EZH2: variants seen among roughly 807,000 people sequenced by gnomAD.
The protein encoded by EZH2 is enhancer of zeste 2 polycomb repressive complex 2 subunit, also known as histone-lysine N-methyltransferase EZH2.
A neutral mutation model predicts 98.4 loss-of-function variants in EZH2; 18 were observed. That is an observed-to-expected ratio of 0.18 (90% CI 0.13 to 0.27). The LOEUF is 0.27. Among genes scored for constraint, EZH2 ranks in the 10% least tolerant of loss-of-function variants. The pLI is 1.00. For missense variants in EZH2, 470 were observed against 935.1 expected (o/e 0.50, Z 6.49); for synonymous variants, 338 against 312.3 (o/e 1.08, Z -0.87).
rs755736107 is a variant in EZH2, at chr7:148,807,643, A to G, written c.*3T>C. The G allele has an allele frequency of 3.2e-5, 51 of 1,594,380 alleles. No individual in the cohort carries two copies. The highest frequency in any genetic ancestry group is 4.1e-5 in the Non-Finnish European group (48 of 1,169,630). On this transcript the variant is annotated 3_prime_UTR_variant, in exon 20 of 20. Transcript: ENST00000320356. ...CAGAGGAGGGGGGAGGAGGTAGCAG[A>G]TGTCAAGGGATTTCCATTTCTCTTT...
rs1224767362 is a variant in EZH2 at position 148,826,610 on chromosome 7, G to C, written c.751C>G (p.Gln251Glu). ...KEKYKELTEQ[Q>E]LPGALPPECT... is the part of the protein sequence containing the mutation. ...TCAGGAGGAAGTGCGCCTGGGAGCT[G>C]CTGTTCGGTGAGTTCTTTATATCTG... is the stretch of plus-strand genomic sequence containing the variant. The change falls in exon 8 of 20, where the codon CAG becomes GAG. Residue 251 changes from glutamine to glutamate, a missense_variant. Physicochemically the swap from Gln to Glu is conservative, Grantham distance 29 (BLOSUM62 2). Transcript: ENST00000320356. 1 of 1,544,354 alleles carries C rather than the reference G, an allele frequency of 6.5e-7. No individual in the cohort carries two copies. The highest frequency in any genetic ancestry group is 8.7e-7 in the Non-Finnish European group (1 of 1,142,956).
chr7:148,869,370 C>T (rs933039966), intron 1 of EZH2, among the ~76,000 whole-genome samples: 2 of 115,364 alleles, frequency 1.7e-5, no homozygotes, highest in African/African-American at 6.9e-5. Context: ...TTTGGAGACA[C>T]AGTCTCACTC....
chr7:148,877,194 G>A (rs907279865), intron 1 of EZH2, among the ~76,000 whole-genome samples: 1 of 152,110 alleles, frequency 6.6e-6, no homozygotes, highest in Non-Finnish European at 1.5e-5. Context: ...AAAATTTGGG[G>A]AAGAATATAC....
chr7:148,868,733 T>C (rs1411100013), intron 1 of EZH2, among the ~76,000 whole-genome samples: 2 of 152,154 alleles, frequency 1.3e-5, no homozygotes, highest in Non-Finnish European at 2.9e-5. Flanking sequence ...GATTTAAAAG[T>C]TGGTATTTCC....
chr7:148,861,593 G>A (rs1250908010), intron 1 of EZH2, among the ~76,000 whole-genome samples: 1 of 152,004 alleles, frequency 6.6e-6, no homozygotes, highest in Non-Finnish European at 1.5e-5. Context: ...ATGCACAGAA[G>A]CTGAACCTGA....
At chr7:148,836,894 A>C in intron 3 of EZH2, 1 of 512,546 alleles carries the variant, frequency 2.0e-6, no homozygotes, top group Non-Finnish European at 3.8e-6. Context: ...CAAGCCAAAA[A>C]TAGTAGTTGT....
intron 1 of EZH2, among the ~76,000 whole-genome samples, chr7:148,881,133 G>A (rs911328473): frequency 1.3e-5 from 2 of 152,156 alleles, no homozygotes; most frequent in East Asian, 1.9e-4. Context: ...CATCTATACT[G>A]ATATAAAGAC....
At chr7:148,848,129 T>C (rs1348337807) in intron 1 of EZH2, among the ~76,000 whole-genome samples, 3 of 152,206 alleles carry the variant, frequency 2.0e-5, no homozygotes, top group Admixed American at 2.0e-4. Context: ...CTTCAAATTA[T>C]TAGCAGGACA....
At chr7:148,840,138 T>G (rs1812062178) in intron 3 of EZH2, among the ~76,000 whole-genome samples, 1 of 152,192 alleles carries the variant, frequency 6.6e-6, no homozygotes, top group African/African-American at 2.4e-5. Context: ...TTTGGTAATA[T>G]CTGCTAAATT....
At chr7:148,834,350 T>C (rs1199077408) in intron 3 of EZH2, among the ~76,000 whole-genome samples, 2 of 81,974 alleles carry the variant, frequency 2.4e-5, no homozygotes, top group East Asian at 7.3e-4. Flanking sequence ...TATATATATA[T>C]ATACACACAC....
intron 3 of EZH2, 38 bp downstream of exon 3, chr7:148,846,432 G>T: frequency 1.3e-6 from 2 of 1,590,366 alleles, no homozygotes; most frequent in South Asian, 1.1e-5. Context: ...TAAACCAAAA[G>T]ATGATGATAA....
chr7:148,867,418 C>T (rs1285128832), intron 1 of EZH2, among the ~76,000 whole-genome samples: 4 of 152,118 alleles, frequency 2.6e-5, no homozygotes, highest in South Asian at 4.1e-4. Context: ...TTTGTTTTAC[C>T]GAAAGTTACC....
intron 8 of EZH2, among the ~76,000 whole-genome samples, chr7:148,820,365 G>A (rs1805687009): frequency 6.6e-6 from 1 of 152,142 alleles, no homozygotes; most frequent in Admixed American, 6.5e-5. Flanking sequence ...TGACAGCAGT[G>A]CTAACTTCAC....
At chr7:148,857,771 A>AAATG (rs1266251294) in intron 1 of EZH2, among the ~76,000 whole-genome samples, 23 of 151,972 alleles carry the variant, frequency 1.5e-4, no homozygotes, top group Non-Finnish European at 4.4e-5. Context: ...ATAAATAAAT[A>AAATG]AATAATTAAA....
intron 4 of EZH2, among the ~76,000 whole-genome samples, chr7:148,830,079 A>G (rs1348694847): frequency 6.6e-6 from 1 of 152,238 alleles, no homozygotes; most frequent in Admixed American, 6.5e-5. Context: ...TAGAAAAAAT[A>G]ATGCACTTAG....
chr7:148,810,953 GGCCT>G (rs1415486881), intron 16 of EZH2, among the ~76,000 whole-genome samples: 4 of 151,044 alleles, frequency 2.6e-5, no homozygotes, highest in Non-Finnish European at 5.9e-5. Flanking sequence ...ACTGAAGCTA[GGCCT>G]ATGATTTTTC....
chr7:148,866,538 GTATATACATATATATACA>G (rs1279155457), intron 1 of EZH2, among the ~76,000 whole-genome samples: 1,790 of 101,224 alleles, frequency 0.018, 36 homozygotes, highest in African/African-American at 0.057. Context: ...ATATATATAC[GTATATACATATATATACA>G]TATATACATA....
At chr7:148,839,728 G>A (rs1228247005) in intron 3 of EZH2, among the ~76,000 whole-genome samples, 2 of 151,960 alleles carry the variant, frequency 1.3e-5, no homozygotes, top group East Asian at 3.9e-4. Flanking sequence ...TGTATTTTTA[G>A]TAAAGATGGG....
At chr7:148,850,430 C>G in intron 1 of EZH2, 1 of 938,840 alleles carries the variant, frequency 1.1e-6, no homozygotes, top group Non-Finnish European at 1.3e-6. Context: ...ACTTTCCATG[C>G]TGTTTCTACC....
Sources: allele counts gnomAD v4.1 joint callset (sites outside exome capture counted in the v4.1 genomes callset), GRCh38; gene constraint gnomAD v4.1.1; transcripts MANE v1.5; gene names NCBI Gene and HGNC (gene_info 2026-07-23, HGNC 2026-07-21).